Variants in ADCY1 observed in about 807,000 individuals in gnomAD.
ADCY1 encodes adenylate cyclase type 1.
A neutral mutation model predicts 105.4 loss-of-function variants in ADCY1; 28 were observed. That is an observed-to-expected ratio of 0.27 (90% CI 0.20 to 0.36). ADCY1 has a LOEUF of 0.36. Among genes scored for constraint, ADCY1 ranks in the 10% least tolerant of loss-of-function variants. ADCY1 has a pLI of 1.00. For synonymous variants in ADCY1, 655 were observed against 623.8 expected (o/e 1.05, Z -0.75); for missense variants, 977 against 1,434.2 (o/e 0.68, Z 5.15).
intron 4 of ADCY1, among the ~76,000 whole-genome samples, chr7:45,644,747 C>T (rs910963800): frequency 6.6e-6 from 1 of 152,152 alleles, no homozygotes; most frequent in East Asian, 1.9e-4. Context: ...TGCTGACTTT[C>T]CATATTTATA....
chr7:45,626,589 G>A (rs1413109234), intron 4 of ADCY1, among the ~76,000 whole-genome samples: 1 of 152,240 alleles, frequency 6.6e-6, no homozygotes, highest in Non-Finnish European at 1.5e-5. Context: ...GCACAGCAGA[G>A]AGAAATGAAG....
Position 45,703,593 on chromosome 7 carries a change from C to A in ADCY1, c.2572-7C>A. The A allele has an allele frequency of 6.2e-7, 1 of 1,611,060 alleles. No individual in the cohort carries two copies. The highest frequency in any genetic ancestry group is 8.5e-7 in the Non-Finnish European group (1 of 1,178,154). On this transcript the variant is annotated splice_polypyrimidine_tract_variant and splice_region_variant and intron_variant, in intron 15 of 19. Transcript: ENST00000297323. This position sits in a 1 kb window ranked among gnomAD's most constrained non-coding sequence, Gnocchi z 5.9. ...GACCCTTCCTGACCCATCCTTTGAA[C>A]TTCCAGGACCTCTACTACCAGTCCT...
chr7:45,604,971 A>G, intron 2 of ADCY1, among the ~76,000 whole-genome samples: 1 of 152,174 alleles, frequency 6.6e-6, no homozygotes, highest in East Asian at 1.9e-4. Flanking sequence ...ATGTCTCTCC[A>G]TTTATTTAGA....
At chr7:45,616,936 C>T (rs1295809511) in intron 3 of ADCY1, among the ~76,000 whole-genome samples, 1 of 152,214 alleles carries the variant, frequency 6.6e-6, no homozygotes, top group Non-Finnish European at 1.5e-5. Flanking sequence ...TTCTGCAGCC[C>T]ACTTTCCCAC....
intron 4 of ADCY1, among the ~76,000 whole-genome samples, chr7:45,629,111 T>G (rs998830805): frequency 2.0e-5 from 3 of 152,222 alleles, no homozygotes; most frequent in Non-Finnish European, 1.5e-5. Flanking sequence ...CTTCTCATTT[T>G]ACTCTCTCCC....
In ADCY1 at chr7:45,628,777, C is replaced by T. The variant is rs1372647562; in HGVS notation, c.1020+6034C>T. 3.9e-5 allele frequency among the ~76,000 whole-genome samples: 6 copies of T among 152,312 alleles called. No individual in the cohort carries two copies. The East Asian group carries it at 1.2e-3, about 29-fold the overall frequency. On this transcript the variant is annotated intron_variant, in intron 4 of 19. Coordinates refer to ENST00000297323, the MANE Select transcript of ADCY1 (RefSeq NM_021116.4). ...GCACCACGTGTGGCCTAACTAGTGC[C>T]TGCCTTCCGATAATGCGTGTGAGTT...
chr7:45,659,860 G>C (rs1236734420), intron 6 of ADCY1, among the ~76,000 whole-genome samples, 182 bp from the exon 7 acceptor site: 4 of 152,284 alleles, frequency 2.6e-5, no homozygotes, highest in Non-Finnish European at 5.9e-5. Flanking sequence ...TGGCCCTACT[G>C]TATCTGCCTG....
intron 14 of ADCY1, among the ~76,000 whole-genome samples, chr7:45,702,755 C>T (rs540233621): frequency 7.5e-4 from 114 of 152,350 alleles, no homozygotes; most frequent in African/African-American, 2.5e-3. Context: ...TCTGCTCTGC[C>T]GTGTCCTCTC....
rs1562693009 is a variant in ADCY1 at position 45,622,754 on chromosome 7, CGT to C, written c.1020+12_1020+13del. The C allele has an allele frequency of 2.5e-6, 4 of 1,604,184 alleles. No individual in the cohort carries two copies. In the Admixed American group the frequency reaches 6.7e-5, roughly 27 times the overall value. On this transcript the variant is annotated intron_variant, in intron 4 of 19. Transcript: ENST00000297323. ...GATGAATTAGCCACGGTAAGTGCAG[CGT>C]TTTTCTTTGTTCGAATTAAATTAGA... is the stretch of plus-strand genomic sequence containing the variant.
At chr7:45,664,411 C>T in intron 8 of ADCY1, 1 of 1,535,920 alleles carries the variant, frequency 6.5e-7, no homozygotes, top group Non-Finnish European at 8.7e-7. Context: ...GTCACCAGTG[C>T]TGCAAGGATG....
chr7:45,593,550 C>T (rs1792987980), intron 2 of ADCY1, among the ~76,000 whole-genome samples: 1 of 152,194 alleles, frequency 6.6e-6, no homozygotes, highest in South Asian at 2.1e-4. Context: ...CTGCGCGGGG[C>T]CTGTGCCCAG....
intron 3 of ADCY1, among the ~76,000 whole-genome samples, chr7:45,611,058 A>T (rs1467416191): frequency 2.3e-5 from 3 of 128,866 alleles, no homozygotes; most frequent in Non-Finnish European, 3.2e-5. Flanking sequence ...GATGGAAGTG[A>T]GGAGGTGATA....
rs141316367 is a variant in ADCY1 at position 45,654,639 on chromosome 7, C to T, written c.1149-3088C>T. Among the ~76,000 whole-genome samples, 816 of 152,256 alleles carry T rather than the reference C, an allele frequency of 5.4e-3. 9 individuals are homozygous for T. Among genetic ancestry groups the T allele is most frequent in the South Asian group, 0.025 (119 of 4,824 alleles). ...CATGGAGCATGCTTCAGTTTCTCAG[C>T]GCAGAGAAACTTGGAGGATTACTTC... On this transcript the variant is annotated intron_variant, in intron 5 of 19. Transcript: ENST00000297323.
chr7:45,701,534 G>C (rs1188049301), intron 14 of ADCY1, among the ~76,000 whole-genome samples: 1 of 152,146 alleles, frequency 6.6e-6, no homozygotes, highest in Non-Finnish European at 1.5e-5. Context: ...AGTAATTTTT[G>C]TGCCACTAAT....
chr7:45,697,741 G>A (rs899270660), intron 14 of ADCY1, among the ~76,000 whole-genome samples: 2 of 152,126 alleles, frequency 1.3e-5, no homozygotes, highest in Non-Finnish European at 2.9e-5. Context: ...CTGAAACACT[G>A]GACACAGCCC....
chr7:45,613,807 G>A (rs543150065), intron 3 of ADCY1, among the ~76,000 whole-genome samples: 73 of 152,272 alleles, frequency 4.8e-4, no homozygotes, highest in Admixed American at 2.9e-3. Context: ...CAGAACCAGC[G>A]TAGGATAATG....
chr7:45,629,416 C>T (rs1432557725), intron 4 of ADCY1, among the ~76,000 whole-genome samples: 1 of 151,764 alleles, frequency 6.6e-6, no homozygotes, highest in East Asian at 1.9e-4. Flanking sequence ...CTGCTATGAA[C>T]ATTCATGTAC....
chr7:45,658,155 C>T (rs181548099), intron 6 of ADCY1, among the ~76,000 whole-genome samples: 103 of 152,392 alleles, frequency 6.8e-4, no homozygotes, highest in African/African-American at 2.3e-3. Flanking sequence ...AGAGCAGATG[C>T]GTGTGGGGAC....
intron 4 of ADCY1, among the ~76,000 whole-genome samples, chr7:45,639,171 G>C (rs748666619): frequency 6.6e-6 from 1 of 152,208 alleles, no homozygotes; most frequent in African/African-American, 2.4e-5. Context: ...CCTTAGTCTC[G>C]ATAGTAGCTG....
Sources: gnomAD v4.1 joint callset for allele counts (sites outside exome capture counted in the v4.1 genomes callset) on GRCh38, gnomAD v4.1.1 for gene constraint, Gnocchi (gnomAD v3.1) non-coding constraint, MANE v1.5 for transcripts, NCBI Gene and HGNC (gene_info 2026-07-23, HGNC 2026-07-21) for gene names.